PIWIL2: variants seen among roughly 807,000 people sequenced by gnomAD.
PIWIL2 encodes the protein piwi like RNA-mediated gene silencing 2.
In PIWIL2, 81 loss-of-function variants were observed where a neutral mutation model predicts 116.5. The observed-to-expected ratio is 0.70, with a 90% CI of 0.58 to 0.84. PIWIL2 has a LOEUF of 0.84. Ranked by LOEUF, PIWIL2 falls within the 40% of genes least tolerant of loss-of-function variation. The probability of loss-of-function intolerance (pLI) is 0.00; values close to 1 mark genes in which losing one functional copy is unlikely to be tolerated. For synonymous variants in PIWIL2, 489 were observed against 429.5 expected, an observed-to-expected ratio of 1.14 and a Z score of -1.71; for missense variants, 1,272 against 1,212.3, an observed-to-expected ratio of 1.05 and a Z score of -0.73.
chr8:22,295,336 G>GC (rs1470440857), intron 10 of PIWIL2, among the ~76,000 whole-genome samples: 2 of 102,272 alleles, frequency 2.0e-5, no homozygotes, highest in East Asian at 1.1e-3. Flanking sequence ...ACTATGCTCA[G>GC]CTTTTTTTTT....
chr8:22,318,408 C>G, intron 20 of PIWIL2, 133 bp downstream of exon 20: 1 of 564,566 alleles, frequency 1.8e-6, no homozygotes, highest in East Asian at 3.0e-5. Context: ...ACCTCTGCCT[C>G]CTGGGTTCAA....
chr8:22,306,028 G>T lies in PIWIL2; in HGVS notation c.1545+12G>T, dbSNP rs201832516. 6.3e-7 allele frequency: 1 copy of T among 1,595,176 alleles called. No homozygotes were observed. The highest frequency in any genetic ancestry group is 1.3e-5 in the African/African-American group (1 of 74,582). On this transcript the variant is annotated intron_variant, in intron 13 of 22. Transcript: ENST00000356766. ...TCAGAGCCATGAAGGTTGGAGTCCT[G>T]TGTTTTCAGCCGGAAATGCCCACTT...
chr8:22,296,349 C>A (rs932264956), intron 10 of PIWIL2, among the ~76,000 whole-genome samples: 1 of 152,144 alleles, frequency 6.6e-6, no homozygotes, highest in African/African-American at 2.4e-5. Flanking sequence ...CTGGCCCCCT[C>A]TTCCCTTCTT....
chr8:22,317,406 A>G (rs536011881), intron 19 of PIWIL2, among the ~76,000 whole-genome samples: 6 of 152,078 alleles, frequency 3.9e-5, no homozygotes, highest in Non-Finnish European at 8.8e-5. Context: ...ACACACACAC[A>G]TATATATATT....
At chr8:22,293,855 ATT>A (rs1278376614) in intron 10 of PIWIL2, among the ~76,000 whole-genome samples, 3 of 152,104 alleles carry the variant, frequency 2.0e-5, no homozygotes, top group African/African-American at 7.2e-5. Flanking sequence ...GGTTTTTGAT[ATT>A]TGTCAGAATT....
chr8:22,295,033 C>T (rs1324150938), intron 10 of PIWIL2, among the ~76,000 whole-genome samples: 1 of 151,154 alleles, frequency 6.6e-6, no homozygotes, highest in East Asian at 2.0e-4. Context: ...GAGCCGAGAT[C>T]GTGCCAGTGT....
At chr8:22,280,407 G>T (rs1409632236) in intron 2 of PIWIL2, among the ~76,000 whole-genome samples, 2 of 152,112 alleles carry the variant, frequency 1.3e-5, no homozygotes, top group African/African-American at 2.4e-5. Context: ...GTAATTTTAA[G>T]AATAATATTT....
intron 20 of PIWIL2, among the ~76,000 whole-genome samples, chr8:22,324,076 A>G (rs941985447): frequency 2.0e-5 from 3 of 152,158 alleles, no homozygotes; most frequent in African/African-American, 2.4e-5. Flanking sequence ...AGCCTGACCA[A>G]CATGATGAAA....
intron 20 of PIWIL2, 79 bp downstream of exon 20, chr8:22,318,354 G>A: frequency 2.5e-6 from 2 of 785,028 alleles, no homozygotes; most frequent in Non-Finnish European, 4.2e-6. Flanking sequence ...TCTCACTCTT[G>A]TCGCCCAGGT....
intron 10 of PIWIL2, 126 bp downstream of exon 10, chr8:22,290,472 T>C (rs1236487875): frequency 1.7e-6 from 1 of 597,820 alleles, no homozygotes; most frequent in Non-Finnish European, 3.1e-6. Context: ...GACAGGGTCT[T>C]GTTTTGTCAC....
chr8:22,316,188 G>A, intron 18 of PIWIL2, 57 bp from the exon 19 acceptor site: 1 of 1,001,826 alleles, frequency 1.0e-6, no homozygotes, highest in Non-Finnish European at 1.6e-6. Context: ...AATTAAAAAT[G>A]GAGGAATGCA....
At chr8:22,281,907 G>A (rs1030812170) in intron 4 of PIWIL2, among the ~76,000 whole-genome samples, 2 of 150,456 alleles carry the variant, frequency 1.3e-5, no homozygotes, top group Non-Finnish European at 3.0e-5. Flanking sequence ...AGGTGTCTGG[G>A]ACTACAGGCA....
chr8:22,339,227 G>T (rs1832050216), intron 20 of PIWIL2, among the ~76,000 whole-genome samples: 1 of 152,266 alleles, frequency 6.6e-6, no homozygotes, highest in Non-Finnish European at 1.5e-5. Context: ...TATAAAACTG[G>T]CCAAGTGTGG....
At chr8:22,316,469 T>A in intron 19 of PIWIL2, 136 bp downstream of exon 19, 1 of 613,736 alleles carries the variant, frequency 1.6e-6, no homozygotes. Context: ...TCTATCTTCA[T>A]GTGAATTTTT....
Position 22,357,160 on chromosome 8 carries a change from A to G in PIWIL2, c.*1655A>G, listed in dbSNP as rs554208702. 1 of 152,326 alleles carries G rather than the reference A, an allele frequency of 6.6e-6. No individual in the cohort carries two copies. Among genetic ancestry groups the G allele is most frequent in the East Asian group, 1.9e-4 (1 of 5,190 alleles). The allele number at this position is 152,326 out of a possible 1,614,324, so 9.4% of individuals were successfully genotyped here. A position where few individuals can be genotyped will look rare whatever the true frequency, so the allele number is the denominator to read the frequency against. On this transcript the variant is annotated 3_prime_UTR_variant, in exon 23 of 23. Coordinates refer to ENST00000356766, the MANE Select transcript of PIWIL2 (RefSeq NM_018068.5). The stretch of plus-strand genomic sequence containing the variant: ...TAGCATATAGAAAAAAAGAAAAAAG[A>G]TTTCCTTAAAACAAGAAAACCAAGA...
intron 6 of PIWIL2, among the ~76,000 whole-genome samples, 172 bp downstream of exon 6, chr8:22,284,444 T>G (rs1830586345): frequency 6.6e-6 from 1 of 152,194 alleles, no homozygotes; most frequent in African/African-American, 2.4e-5. Flanking sequence ...ACTTTGTGTA[T>G]GTATTTAGCT....
chr8:22,313,241 G>A (rs1025934865), intron 16 of PIWIL2, among the ~76,000 whole-genome samples: 9 of 152,102 alleles, frequency 5.9e-5, no homozygotes, highest in Non-Finnish European at 1.2e-4. Context: ...TCACAAACTC[G>A]TATGTCTCCA....
At chr8:22,284,736 C>G (rs1358950661) in intron 6 of PIWIL2, among the ~76,000 whole-genome samples, 1 of 149,718 alleles carries the variant, frequency 6.7e-6, no homozygotes, top group Non-Finnish European at 1.5e-5. Flanking sequence ...TCTCTAGTGA[C>G]AGTCTAGGGT....
At chr8:22,325,412 A>C (rs1831699664) in intron 20 of PIWIL2, among the ~76,000 whole-genome samples, 1 of 151,958 alleles carries the variant, frequency 6.6e-6, no homozygotes, top group African/African-American at 2.4e-5. Context: ...GTGAGGATGA[A>C]AGTATGTTCT....
Sources: allele counts gnomAD v4.1 joint callset (sites outside exome capture counted in the v4.1 genomes callset), GRCh38; gene constraint gnomAD v4.1.1; transcripts MANE v1.5; gene names NCBI Gene and HGNC (gene_info 2026-07-23, HGNC 2026-07-21).